The following KAT6A variants were observed in gnomAD, a reference collection of about 807,000 sequenced individuals.
The protein encoded by KAT6A is histone acetyltransferase KAT6A.
Under a neutral mutation model 198.4 loss-of-function variants are expected in KAT6A, and 9 were observed. The observed-to-expected ratio is 0.05, with a 90% CI of 0.03 to 0.08. KAT6A has a LOEUF of 0.08. Among genes scored for constraint, KAT6A ranks in the 10% least tolerant of loss-of-function variants. KAT6A has a pLI of 1.00. For synonymous variants in KAT6A, 890 were observed against 883.0 expected (o/e 1.01, Z -0.14); for missense variants, 2,077 against 2,509.9 (o/e 0.83, Z 3.69).
chr8:42,051,494 G>A (rs1319667125), intron 1 of KAT6A, among the ~76,000 whole-genome samples: 1 of 146,576 alleles, frequency 6.8e-6, no homozygotes, highest in South Asian at 2.1e-4. Flanking sequence ...CGGGCGGGTG[G>A]GCGCGCCCCG....
At chr8:41,983,263 T>G (rs1416106878) in intron 3 of KAT6A, among the ~76,000 whole-genome samples, 2 of 152,228 alleles carry the variant, frequency 1.3e-5, no homozygotes, top group African/African-American at 4.8e-5. Context: ...CTCTCTTTTC[T>G]ATTCCTAAAG....
chr8:42,027,618 T>C (rs1038387145), intron 2 of KAT6A, among the ~76,000 whole-genome samples: 1 of 152,192 alleles, frequency 6.6e-6, no homozygotes, highest in African/African-American at 2.4e-5. Flanking sequence ...TCCTTTGTAC[T>C]TCTGTGGTAT....
At chr8:41,979,044 G>T (rs1040682536) in intron 5 of KAT6A, among the ~76,000 whole-genome samples, 1 of 152,198 alleles carries the variant, frequency 6.6e-6, no homozygotes. Context: ...GAGGCGGGTG[G>T]ATCACCTGAG....
At chr8:42,040,973 G>C (rs1395357023) in intron 2 of KAT6A, among the ~76,000 whole-genome samples, 1 of 151,722 alleles carries the variant, frequency 6.6e-6, no homozygotes, top group Non-Finnish European at 1.5e-5. Flanking sequence ...CCAGCACTTT[G>C]GGAAGCCAAT....
intron 2 of KAT6A, among the ~76,000 whole-genome samples, chr8:42,036,629 G>A (rs988313769): frequency 6.6e-6 from 1 of 152,036 alleles, no homozygotes; most frequent in Non-Finnish European, 1.5e-5. Context: ...AAAAGGAGAA[G>A]GTGGTAAATG....
chr8:41,942,631 G>A (rs996732712), intron 14 of KAT6A, 162 bp downstream of exon 14: 5 of 766,222 alleles, frequency 6.5e-6, no homozygotes, highest in East Asian at 5.4e-5. Context: ...AAGTAAACCA[G>A]GTCCAGTCTT....
chr8:41,965,224 G>A (rs1198337060), intron 8 of KAT6A, among the ~76,000 whole-genome samples: 2 of 152,046 alleles, frequency 1.3e-5, no homozygotes, highest in Non-Finnish European at 2.9e-5. Context: ...ATATGCATGG[G>A]TTTTTTGTAT....
chr8:42,028,205 C>T (rs1343966928), intron 2 of KAT6A, among the ~76,000 whole-genome samples: 1 of 152,136 alleles, frequency 6.6e-6, no homozygotes, highest in Non-Finnish European at 1.5e-5. Context: ...AATGTGTATT[C>T]TCTGGCTGCT....
In KAT6A at chr8:42,023,697, A is replaced by G. The variant is rs545116916; in HGVS notation, c.600+24681T>C. Among the ~76,000 whole-genome samples the G allele has an allele frequency of 5.3e-5, 8 of 151,930 alleles. No individual in the cohort carries two copies. In the South Asian group the frequency reaches 1.7e-3, roughly 32 times the overall value. The stretch of plus-strand genomic sequence containing the variant: ...AGACGGGGTTTTGTCATGTTGCCCA[A>G]GTTGGTTGCAAACTCCTGGGCTCCA... On this transcript the variant is annotated intron_variant, in intron 2 of 16. Coordinates refer to ENST00000265713, the MANE Select transcript of KAT6A (RefSeq NM_006766.5).
At chr8:41,972,750 T>C (rs1044364780) in intron 8 of KAT6A, among the ~76,000 whole-genome samples, 8 of 152,290 alleles carry the variant, frequency 5.3e-5, no homozygotes, top group African/African-American at 1.9e-4. Context: ...GATTGGACCA[T>C]GGTCATGTAT....
Position 41,980,529 on chromosome 8 carries a change from G to C in KAT6A, c.907+317C>G, listed in dbSNP as rs1446836222. Among the ~76,000 whole-genome samples the C allele has an allele frequency of 1.3e-5, 2 of 151,976 alleles. 1 individual carries two copies. Among genetic ancestry groups the C allele is most frequent in the African/African-American group, 4.8e-5 (2 of 41,380 alleles). On this transcript the variant is annotated intron_variant, in intron 5 of 16. Transcript: ENST00000265713. ...TATTTTATTTCCTCCTTTCAATAAA[G>C]AGATATTTCAAGATATATTTAAGGC...
rs1821450443 is a variant in KAT6A, at chr8:41,930,075, T to C, written c.*2130A>G. On this transcript the variant is annotated 3_prime_UTR_variant, in exon 17 of 17. Coordinates refer to ENST00000265713, the MANE Select transcript of KAT6A (RefSeq NM_006766.5). ...AAGAACTTTTTTTTTCTACAATAGTTCTACAGTCACAAAGAGGCTTGTGGA... is the reference window on the plus strand; with the variant it reads ...AAGAACTTTTTTTTTCTACAATAGTCCTACAGTCACAAAGAGGCTTGTGGA... 2 of 231,038 alleles carry C rather than the reference T, an allele frequency of 8.7e-6. No homozygotes were observed. Among genetic ancestry groups the C allele is most frequent in the Non-Finnish European group, 1.7e-5 (2 of 116,698 alleles). The allele number at this position is 231,038 out of a possible 1,614,324, so 14.3% of individuals were successfully genotyped here.
At chr8:42,038,436 T>C (rs1394541344) in intron 2 of KAT6A, among the ~76,000 whole-genome samples, 2 of 152,212 alleles carry the variant, frequency 1.3e-5, no homozygotes, top group African/African-American at 4.8e-5. Flanking sequence ...CCACCAATAT[T>C]CTCTAGACAA....
At chr8:41,982,540 C>G (rs559184668) in intron 3 of KAT6A, among the ~76,000 whole-genome samples, 1 of 152,158 alleles carries the variant, frequency 6.6e-6, no homozygotes, top group African/African-American at 2.4e-5. Flanking sequence ...AAATATTAAA[C>G]AAGCAACTCC....
chr8:41,987,098 G>A (rs1294642869), intron 3 of KAT6A, among the ~76,000 whole-genome samples: 4 of 152,126 alleles, frequency 2.6e-5, no homozygotes, highest in Non-Finnish European at 4.4e-5. Context: ...TCATACTACT[G>A]TATTTTTACT....
At chr8:42,036,946 C>G (rs1827407863) in intron 2 of KAT6A, among the ~76,000 whole-genome samples, 1 of 152,126 alleles carries the variant, frequency 6.6e-6, no homozygotes, top group Non-Finnish European at 1.5e-5. Flanking sequence ...GCTATTTCAT[C>G]ATTTGTTTGA....
At chr8:42,029,567 T>C (rs1827003152) in intron 2 of KAT6A, among the ~76,000 whole-genome samples, 1 of 151,114 alleles carries the variant, frequency 6.6e-6, no homozygotes, top group South Asian at 2.1e-4. Flanking sequence ...TAGTTTTTTT[T>C]TGTTTTTTTT....
rs1410096480 is a variant in KAT6A at position 41,984,420 on chromosome 8, C to T, written c.710-2466G>A. Among the ~76,000 whole-genome samples, 4 of 152,184 alleles carry T rather than the reference C, an allele frequency of 2.6e-5. No individual in the cohort carries two copies. In the East Asian group the frequency reaches 7.7e-4, roughly 29 times the overall value. Reference sequence around the variant, plus strand: ...AACTGAAGCTTCTTGTCGACAAGCCCGTGGCAGCAGCAACTTGCCAGCCAG... The same window carrying T: ...AACTGAAGCTTCTTGTCGACAAGCCTGTGGCAGCAGCAACTTGCCAGCCAG... On this transcript the variant is annotated intron_variant, in intron 3 of 16. Coordinates refer to ENST00000265713, the MANE Select transcript of KAT6A (RefSeq NM_006766.5).
At position 41,955,361 on chromosome 8, in the gene KAT6A, G is replaced by A. The variant is rs1292603455; in HGVS notation, c.1533C>T (p.Val511=). ...PPDPQVRCPS[V]IEFGKYEIHT... is the part of the protein sequence containing the mutation. ...GAATTTCATACTTCCCAAACTCAATGACAGAGGGACAGCGGACTTGTGGAT... is the reference window on the plus strand; with the variant it reads ...GAATTTCATACTTCCCAAACTCAATAACAGAGGGACAGCGGACTTGTGGAT... The change falls in exon 9 of 17, where the codon GTC becomes GTT. Residue 511 remains valine (V), a synonymous_variant. Coordinates refer to ENST00000265713, the MANE Select transcript of KAT6A (RefSeq NM_006766.5). 1 of 1,613,176 alleles carries A rather than the reference G, an allele frequency of 6.2e-7. No homozygotes were observed. The highest frequency in any genetic ancestry group is 8.5e-7 in the Non-Finnish European group (1 of 1,179,550).
Sources: gnomAD v4.1 joint callset for allele counts (sites outside exome capture counted in the v4.1 genomes callset) on GRCh38, gnomAD v4.1.1 for gene constraint, MANE v1.5 for transcripts, NCBI Gene and HGNC (gene_info 2026-07-23, HGNC 2026-07-21) for gene names.